The following PEX14 variants were observed in gnomAD, a reference collection of about 807,000 sequenced individuals.
PEX14 encodes peroxisomal biogenesis factor 14.
In PEX14, 15 loss-of-function variants were observed where a neutral mutation model predicts 49.5. That is an observed-to-expected ratio of 0.30 (90% CI 0.20 to 0.47). The LOEUF is 0.47. PEX14 is among the 20% of genes least tolerant of loss of function. PEX14 has a pLI of 1.00. For synonymous variants in PEX14, 210 were observed against 212.7 expected, an observed-to-expected ratio of 0.99 and a Z score of 0.11; for missense variants, 398 against 494.8, an observed-to-expected ratio of 0.80 and a Z score of 1.86.
In PEX14 at chr1:10,502,080, A is replaced by G. The variant is rs138673430; in HGVS notation, c.84+6759A>G. On this transcript the variant is annotated intron_variant, in intron 2 of 8. Transcript: ENST00000356607. The stretch of plus-strand genomic sequence containing the variant: ...GCTCACGGTGCACTTCACTGAAGGT[A>G]AAATTGTCATGATTATCAGATCCAG... Among the ~76,000 whole-genome samples the G allele has an allele frequency of 5.1e-3, 784 of 152,306 alleles. 6 individuals are homozygous for G. The highest frequency in any genetic ancestry group is 7.7e-3 in the Non-Finnish European group (523 of 68,030).
chr1:10,605,693 C>T (rs1641107002), intron 4 of PEX14, among the ~76,000 whole-genome samples: 1 of 152,216 alleles, frequency 6.6e-6, no homozygotes, highest in Non-Finnish European at 1.5e-5. Flanking sequence ...ATGTCGCCTC[C>T]ACCTCTCTCT....
chr1:10,571,679 G>C (rs184579719), intron 3 of PEX14, among the ~76,000 whole-genome samples: 80 of 152,054 alleles, frequency 5.3e-4, no homozygotes, highest in African/African-American at 1.8e-3. Flanking sequence ...TGTGGTGGTG[G>C]GCGCCTGTAT....
In PEX14 at chr1:10,619,897, C is replaced by T. The variant is rs61776273; in HGVS notation, c.384+1480C>T. Among the ~76,000 whole-genome samples the T allele has an allele frequency of 2.7e-3, 412 of 151,784 alleles. 3 individuals carry two copies. Among genetic ancestry groups the T allele is most frequent in the African/African-American group, 9.1e-3 (378 of 41,414 alleles). On this transcript the variant is annotated intron_variant, in intron 5 of 8. Transcript: ENST00000356607. Reference sequence around the variant, plus strand: ...GAGGCTGAGGATCCTGACTTGATCACGAGGTCAGTAGATCGAGACCATCCT... The same window carrying T: ...GAGGCTGAGGATCCTGACTTGATCATGAGGTCAGTAGATCGAGACCATCCT...
rs200017472 is a variant in PEX14, at chr1:10,494,395, T to TGACC, written c.37-878_37-875dup. On this transcript the variant is annotated intron_variant, in intron 1 of 8. Coordinates refer to ENST00000356607, the MANE Select transcript of PEX14 (RefSeq NM_004565.3). The surrounding 1 kb of genome is among the most constrained non-coding windows in gnomAD (Gnocchi z 4.3). ...AACTGTAGATAGATGGCAATTGGCC[T>TGACC]GACCATCAGTCACAGTAAACTAATC... Among the ~76,000 whole-genome samples the TGACC allele has an allele frequency of 2.1e-3, 317 of 152,366 alleles. No individual in the cohort carries two copies. The highest frequency in any genetic ancestry group is 7.0e-3 in the African/African-American group (292 of 41,588).
chr1:10,620,290 A>G (rs71643099), intron 5 of PEX14, among the ~76,000 whole-genome samples: 1 of 141,804 alleles, frequency 7.1e-6, no homozygotes, highest in Non-Finnish European at 1.5e-5. Context: ...TCTCTACCAA[A>G]CAATAAAATA....
At chr1:10,572,683 C>T (rs1640011431) in intron 3 of PEX14, among the ~76,000 whole-genome samples, 1 of 151,956 alleles carries the variant, frequency 6.6e-6, no homozygotes, top group African/African-American at 2.4e-5. Context: ...TATAGGCGCC[C>T]CCCCCACCAC....
Position 10,630,149 on chromosome 1 carries a change from C to T in PEX14, c.*162C>T. ...GGCCTGGTGGCAGTGTGGGGAGTCA[C>T]ACTTCTGTCCACCTGGCCTCCTCTC... is the stretch of plus-strand genomic sequence containing the variant. On this transcript the variant is annotated 3_prime_UTR_variant, in exon 9 of 9. Coordinates refer to ENST00000356607, the MANE Select transcript of PEX14 (RefSeq NM_004565.3). The surrounding 1 kb of genome is among the most constrained non-coding windows in gnomAD (Gnocchi z 4.1). 8.9e-7 allele frequency: 1 copy of T among 1,126,126 alleles called. No homozygotes were observed. Among genetic ancestry groups the T allele is most frequent in the East Asian group, 2.6e-5 (1 of 38,436 alleles). The allele number at this position is 1,126,126 out of a possible 1,614,324, so 69.8% of individuals were successfully genotyped here. A position where few individuals can be genotyped will look rare whatever the true frequency, so the allele number is the denominator to read the frequency against.
chr1:10,618,275 C>A, intron 4 of PEX14, 57 bp from the exon 5 acceptor site: 1 of 1,392,086 alleles, frequency 7.2e-7, no homozygotes. Flanking sequence ...TGCCAGCCCC[C>A]ACCCGAAGAA....
At chr1:10,624,173 C>T (rs1641677229) in intron 6 of PEX14, among the ~76,000 whole-genome samples, 167 bp from the exon 7 acceptor site, 1 of 152,190 alleles carries the variant, frequency 6.6e-6, no homozygotes, top group South Asian at 2.1e-4. Flanking sequence ...ACAGTGCAGG[C>T]AGATCACCCA....
chr1:10,577,753 A>G (rs2124563833), intron 3 of PEX14, among the ~76,000 whole-genome samples: 1 of 146,454 alleles, frequency 6.8e-6, no homozygotes, highest in South Asian at 2.4e-4. Context: ...GGTACCTGCC[A>G]CCATGCCCGG....
Position 10,599,269 on chromosome 1 carries a change from C to G in PEX14, c.201C>G (p.Phe67Leu), listed in dbSNP as rs1354919406. ...CAGATGAAGAGATTGATATGGCCTTCCAGCAGTCGGGCACTGCTGCCGATG... is the reference window on the plus strand; with the variant it reads ...CAGATGAAGAGATTGATATGGCCTTGCAGCAGTCGGGCACTGCTGCCGATG... ...GLTDEEIDMAFQQSGTAADEP... is the reference protein window; with the variant it reads ...GLTDEEIDMALQQSGTAADEP... The change falls in exon 4 of 9, where the codon TTC becomes TTG. Residue 67 changes from phenylalanine (F) to leucine (L), a missense_variant. Physicochemically the swap from Phe to Leu is conservative, Grantham distance 22. Coordinates refer to ENST00000356607, the MANE Select transcript of PEX14 (RefSeq NM_004565.3). The G allele has an allele frequency of 1.9e-6, 3 of 1,613,898 alleles. No homozygotes were observed. The highest frequency in any genetic ancestry group is 1.7e-6 in the Non-Finnish European group (2 of 1,179,848).
chr1:10,519,562 A>G lies in PEX14; in HGVS notation c.85-16651A>G, dbSNP rs144020702. ...TGAAGGCCACTTCCCAGGTCAGGCTATGCATTAGGTGCACTCTTCCTTCGG... is the reference window on the plus strand; with the variant it reads ...TGAAGGCCACTTCCCAGGTCAGGCTGTGCATTAGGTGCACTCTTCCTTCGG... On this transcript the variant is annotated intron_variant, in intron 2 of 8. Coordinates refer to ENST00000356607, the MANE Select transcript of PEX14 (RefSeq NM_004565.3). Among the ~76,000 whole-genome samples the G allele has an allele frequency of 4.9e-3, 748 of 152,298 alleles. 8 individuals carry two copies. The highest frequency in any genetic ancestry group is 0.017 in the African/African-American group (712 of 41,562).
intron 4 of PEX14, among the ~76,000 whole-genome samples, chr1:10,608,674 GAAA>G (rs58340058): frequency 7.0e-6 from 1 of 142,828 alleles, no homozygotes; most frequent in Non-Finnish European, 1.5e-5. Flanking sequence ...AAAAAAAAAA[GAAA>G]AAAAAAAAAT....
At chr1:10,535,016 C>G (rs1638758435) in intron 2 of PEX14, among the ~76,000 whole-genome samples, 1 of 152,162 alleles carries the variant, frequency 6.6e-6, no homozygotes, top group African/African-American at 2.4e-5. Flanking sequence ...GACTGCTTCC[C>G]TTAGTTTGAA....
chr1:10,501,549 C>T lies in PEX14; in HGVS notation c.84+6228C>T, dbSNP rs567292434. Among the ~76,000 whole-genome samples the T allele has an allele frequency of 5.3e-5, 8 of 152,218 alleles. No individual in the cohort carries two copies. The East Asian group carries it at 1.6e-3, about 30-fold the overall frequency. ...ATCTCCTGACCTCGTGATCCGCCCGCCTCGGCCTCCCAAAGTGCTGGGATT... is the reference window on the plus strand; with the variant it reads ...ATCTCCTGACCTCGTGATCCGCCCGTCTCGGCCTCCCAAAGTGCTGGGATT... On this transcript the variant is annotated intron_variant, in intron 2 of 8. Transcript: ENST00000356607.
intron 6 of PEX14, 63 bp from the exon 7 acceptor site, chr1:10,624,277 C>G (rs1156368783): frequency 1.9e-6 from 2 of 1,056,016 alleles, no homozygotes; most frequent in Non-Finnish European, 3.0e-6. Context: ...GGTGTGCGGA[C>G]CGAGCGAGGG....
intron 1 of PEX14, among the ~76,000 whole-genome samples, chr1:10,481,420 G>A (rs1465582220): frequency 2.0e-5 from 3 of 151,744 alleles, no homozygotes; most frequent in East Asian, 1.9e-4. Context: ...GAGCCACCGC[G>A]TCCAGCCTTA....
chr1:10,559,821 A>G (rs1248053334), intron 3 of PEX14, among the ~76,000 whole-genome samples: 1 of 152,186 alleles, frequency 6.6e-6, no homozygotes, highest in Admixed American at 6.5e-5. Flanking sequence ...AGATTGTGGT[A>G]AAGGATGGAA....
In PEX14 at chr1:10,630,175, G is replaced by C; in HGVS notation, c.*188G>C. ...ACTTCTGTCCACCTGGCCTCCTCTCGCCTGGCCGCCAGCCCCAGCCCCAGC... is the reference window on the plus strand; with the variant it reads ...ACTTCTGTCCACCTGGCCTCCTCTCCCCTGGCCGCCAGCCCCAGCCCCAGC... On this transcript the variant is annotated 3_prime_UTR_variant, in exon 9 of 9. Coordinates refer to ENST00000356607, the MANE Select transcript of PEX14 (RefSeq NM_004565.3). This position sits in a 1 kb window ranked among gnomAD's most constrained non-coding sequence, Gnocchi z 4.1. The C allele has an allele frequency of 1.1e-6, 1 of 905,166 alleles. No homozygotes were observed. The highest frequency in any genetic ancestry group is 1.6e-6 in the Non-Finnish European group (1 of 613,706). The allele number at this position is 905,166 out of a possible 1,614,324, so 56.1% of individuals were successfully genotyped here.
Sources: gnomAD v4.1 joint callset for allele counts (sites outside exome capture counted in the v4.1 genomes callset) on GRCh38, gnomAD v4.1.1 for gene constraint, Gnocchi (gnomAD v3.1) non-coding constraint, MANE v1.5 for transcripts, NCBI Gene and HGNC (gene_info 2026-07-23, HGNC 2026-07-21) for gene names.